Variants in CEP43 observed in about 807,000 individuals in gnomAD.
The protein encoded by CEP43 is FGFR1 oncogene partner.
In CEP43, 36 loss-of-function variants were observed where a neutral mutation model predicts 52.6. That is an observed-to-expected ratio of 0.68 (90% confidence interval 0.52 to 0.90). The LOEUF (loss-of-function observed/expected upper bound fraction) is 0.90. Ranked by LOEUF, CEP43 falls within the 40% of genes least tolerant of loss-of-function variation. The probability of loss-of-function intolerance (pLI) is 0.00; values close to 1 mark genes in which losing one functional copy is unlikely to be tolerated. For missense variants in CEP43, 506 were observed against 472.8 expected, an observed-to-expected ratio of 1.07 and a Z score of -0.65; for synonymous variants, 192 against 172.4, an observed-to-expected ratio of 1.11 and a Z score of -0.89.
At chr6:167,026,798 C>T (rs1780365982) in intron 10 of CEP43, among the ~76,000 whole-genome samples, 183 bp downstream of exon 10, 1 of 152,226 alleles carries the variant, frequency 6.6e-6, no homozygotes, top group Non-Finnish European at 1.5e-5. Flanking sequence ...GCTACAGCAA[C>T]AGCCATCATG....
At chr6:167,009,810 T>C (rs1474290465) in intron 5 of CEP43, among the ~76,000 whole-genome samples, 2 of 151,956 alleles carry the variant, frequency 1.3e-5, no homozygotes, top group Admixed American at 6.6e-5. Flanking sequence ...CACTCCAGCC[T>C]GGGTAACAGA....
intron 7 of CEP43, among the ~76,000 whole-genome samples, chr6:167,017,945 A>C (rs964110014): frequency 4.6e-5 from 7 of 152,190 alleles, no homozygotes; most frequent in Admixed American, 4.6e-4. Flanking sequence ...ATGTAATATA[A>C]GTACCAATAT....
chr6:167,041,081 T>C lies in CEP43; in HGVS notation c.*1103T>C, dbSNP rs988284068. ...TAAGTAAAGCAGGATTGTGCTGTTT[T>C]TGCACTTTATAATTTCAATTAAGTT... On this transcript the variant is annotated 3_prime_UTR_variant, in exon 13 of 13. Transcript: ENST00000366847. 2.7e-5 allele frequency: 28 copies of C among 1,037,572 alleles called. No individual in the cohort carries two copies. The highest frequency in any genetic ancestry group is 2.5e-4 in the African/African-American group (15 of 59,574). The allele number at this position is 1,037,572 out of a possible 1,614,324, so 64.3% of individuals were successfully genotyped here.
intron 8 of CEP43, among the ~76,000 whole-genome samples, chr6:167,023,982 A>G (rs1027260541): frequency 2.6e-5 from 4 of 152,038 alleles, no homozygotes; most frequent in African/African-American, 9.7e-5. Context: ...GGGCTGAAAA[A>G]CGTGTTTAGG....
intron 10 of CEP43, among the ~76,000 whole-genome samples, chr6:167,030,334 C>T (rs1780440751): frequency 6.6e-6 from 1 of 152,230 alleles, no homozygotes; most frequent in Non-Finnish European, 1.5e-5. Context: ...ATTTTAGTAG[C>T]TGCCACTCCT....
chr6:167,025,245 T>C (rs1395900791), intron 9 of CEP43: 1 of 158,870 alleles, frequency 6.3e-6, no homozygotes, highest in Admixed American at 6.4e-5. Flanking sequence ...TTCAATTAAT[T>C]TTTAAAAATT....
chr6:167,028,406 A>C, intron 10 of CEP43: 1 of 985,334 alleles, frequency 1.0e-6, no homozygotes, highest in East Asian at 1.1e-4. Flanking sequence ...GAATTGGGGT[A>C]GTTATGCAGG....
intron 12 of CEP43, among the ~76,000 whole-genome samples, chr6:167,034,191 A>G (rs978311233): frequency 6.6e-6 from 1 of 152,188 alleles, no homozygotes; most frequent in East Asian, 1.9e-4. Flanking sequence ...TCGCTGCTGA[A>G]ATGCCTGAGG....
At chr6:167,023,862 T>C (rs1487589220) in intron 8 of CEP43, among the ~76,000 whole-genome samples, 3 of 151,962 alleles carry the variant, frequency 2.0e-5, no homozygotes, top group African/African-American at 7.3e-5. Context: ...GGTTAGAGAA[T>C]TAGAGTGCAT....
At chr6:167,004,063 G>C (rs9459835) in intron 4 of CEP43, 3 of 616,624 alleles carry the variant, frequency 4.9e-6, no homozygotes, top group Admixed American at 3.3e-5. Flanking sequence ...CGATGTTAGA[G>C]TGCACCTGTT....
rs543233559 is a variant in CEP43, at chr6:167,052,435, G to T, written c.*12457G>T. Reference sequence around the variant, plus strand: ...GGATACCCTGAGCTTATTTCCAGGGGCCTTTGTAAATTCCCAGTGACAACT... The same window carrying T: ...GGATACCCTGAGCTTATTTCCAGGGTCCTTTGTAAATTCCCAGTGACAACT... On this transcript the variant is annotated 3_prime_UTR_variant, in exon 13 of 13. Coordinates refer to ENST00000366847, the MANE Select transcript of CEP43 (RefSeq NM_007045.4). 6.6e-6 allele frequency: 1 copy of T among 152,250 alleles called. No homozygotes were observed. The highest frequency in any genetic ancestry group is 2.4e-5 in the African/African-American group (1 of 41,542). The allele number at this position is 152,250 out of a possible 1,614,324, so 9.4% of individuals were successfully genotyped here.
At chr6:167,016,165 A>G (rs1780093776) in intron 7 of CEP43, among the ~76,000 whole-genome samples, 1 of 151,886 alleles carries the variant, frequency 6.6e-6, no homozygotes, top group South Asian at 2.1e-4. Context: ...TAAGATCTAT[A>G]TTTTTTTGTT....
chr6:167,033,860 C>A lies in CEP43; in HGVS notation c.1029-15C>A. On this transcript the variant is annotated splice_polypyrimidine_tract_variant and intron_variant, in intron 11 of 12. Coordinates refer to ENST00000366847, the MANE Select transcript of CEP43 (RefSeq NM_007045.4). The stretch of plus-strand genomic sequence containing the variant: ...TTTTCAGAGTTCTTATTTTTTTTTC[C>A]CCTTCTGAAATTAGTACCAGCCATC... 2 of 1,330,222 alleles carry A rather than the reference C, an allele frequency of 1.5e-6. No individual in the cohort carries two copies. Among genetic ancestry groups the A allele is most frequent in the South Asian group, 1.3e-5 (1 of 76,032 alleles). 82.4% of individuals were successfully genotyped at this position (1,330,222 alleles called of 1,614,324 possible).
Position 167,022,419 on chromosome 6 carries a change from A to G in CEP43, c.590A>G (p.Asp197Gly). Residue 197 changes from aspartate to glycine, a missense_variant, in exon 8 of 13, where the codon GAT becomes GGT. Physicochemically the swap from Asp to Gly is moderately conservative, Grantham distance 94. Transcript: ENST00000366847. The part of the protein sequence containing the change: ...GQKAGDKKAN[D>G]EANQSDTSVS... The stretch of plus-strand genomic sequence containing the variant: ...TCCCTCTCTTTCTAGAAGGCCAATG[A>G]TGAGGCCAATCAGAGTGATACAAGT... The G allele has an allele frequency of 6.2e-7, 1 of 1,612,522 alleles. No homozygotes were observed. The highest frequency in any genetic ancestry group is 1.1e-5 in the South Asian group (1 of 90,998).
chr6:167,002,667 C>G (rs1428351375), intron 2 of CEP43, among the ~76,000 whole-genome samples: 3 of 152,218 alleles, frequency 2.0e-5, no homozygotes, highest in Non-Finnish European at 4.4e-5. Flanking sequence ...ACTGTAGCCT[C>G]TTCTCAGCAA....
chr6:167,009,925 C>T (rs967335648), intron 5 of CEP43, among the ~76,000 whole-genome samples: 5 of 152,040 alleles, frequency 3.3e-5, no homozygotes, highest in African/African-American at 9.7e-5. Context: ...AATATTTTGG[C>T]ATGGGGCAAG....
At position 167,046,602 on chromosome 6, in the gene CEP43, C is replaced by T. The variant is rs1171215066; in HGVS notation, c.*6624C>T. 1.3e-5 allele frequency: 2 copies of T among 152,276 alleles called. No individual in the cohort carries two copies. Among genetic ancestry groups the T allele is most frequent in the African/African-American group, 4.8e-5 (2 of 41,476 alleles). The allele number at this position is 152,276 out of a possible 1,614,324, so 9.4% of individuals were successfully genotyped here. On this transcript the variant is annotated 3_prime_UTR_variant, in exon 13 of 13. Coordinates refer to ENST00000366847, the MANE Select transcript of CEP43 (RefSeq NM_007045.4). ...GCAGTTGGCTGATTTCTTCTGTCCA[C>T]TCCACCTGCAGATGCAGAGGTGGCC...
Position 167,040,933 on chromosome 6 carries a change from G to A in CEP43, c.*955G>A. 1 of 1,024,862 alleles carries A rather than the reference G, an allele frequency of 9.8e-7. No individual in the cohort carries two copies. The allele number at this position is 1,024,862 out of a possible 1,614,324, so 63.5% of individuals were successfully genotyped here. A position where few individuals can be genotyped will look rare whatever the true frequency, so the allele number is the denominator to read the frequency against. On this transcript the variant is annotated 3_prime_UTR_variant, in exon 13 of 13. Transcript: ENST00000366847. ...TAGAGCCAATAATAGAATTTCCACAGTCTCATTTATACGGTTAAAGCATTA... is the reference window on the plus strand; with the variant it reads ...TAGAGCCAATAATAGAATTTCCACAATCTCATTTATACGGTTAAAGCATTA...
At chr6:167,009,438 A>G (rs930801746) in intron 5 of CEP43, among the ~76,000 whole-genome samples, 1 of 120,370 alleles carries the variant, frequency 8.3e-6, no homozygotes, top group African/African-American at 3.2e-5. Context: ...TGAACCCGGG[A>G]GGTGGAGGTT....
Sources: allele counts gnomAD v4.1 joint callset (sites outside exome capture counted in the v4.1 genomes callset), GRCh38; gene constraint gnomAD v4.1.1; transcripts MANE v1.5; gene names NCBI Gene and HGNC (gene_info 2026-07-23, HGNC 2026-07-21).